Variants in C8orf34 observed in about 807,000 individuals in gnomAD.
C8orf34 encodes the protein uncharacterized protein C8orf34.
A neutral mutation model predicts 68.3 loss-of-function variants in C8orf34; 65 were observed. The observed-to-expected ratio is 0.95, with a 90% CI of 0.78 to 1.17. C8orf34 has a LOEUF of 1.17. Among genes scored for constraint, C8orf34 ranks in the 50% most tolerant of loss-of-function variants. The probability of loss-of-function intolerance (pLI) is 0.00; values close to 1 mark genes in which losing one functional copy is unlikely to be tolerated. For synonymous variants in C8orf34, 244 were observed against 241.2 expected, an observed-to-expected ratio of 1.01 and a Z score of -0.11; for missense variants, 664 against 655.4, an observed-to-expected ratio of 1.01 and a Z score of -0.14.
rs1554611739 is a variant in C8orf34 at position 68,774,943 on chromosome 8, C to CT, written c.1405-1455dup. On this transcript the variant is annotated intron_variant, in intron 10 of 13. Transcript: ENST00000518698. ...CCAACATGATGAAACCCTGTCTCCA[C>CT]TAAAAAAAAAAAAAAAAAAAAAAAT... Among the ~76,000 whole-genome samples, 5 of 36,358 alleles carry CT rather than the reference C, an allele frequency of 1.4e-4. No individual in the cohort carries two copies. In the East Asian group the frequency reaches 1.8e-3, roughly 13 times the overall value. 23.9% of individuals were successfully genotyped at this position (36,358 alleles called of 152,430 possible).
chr8:68,381,051 A>G (rs1303453788), intron 1 of C8orf34, among the ~76,000 whole-genome samples: 1 of 152,240 alleles, frequency 6.6e-6, no homozygotes, highest in East Asian at 1.9e-4. Context: ...AGAGGAAATC[A>G]TCAGAAAGCA....
chr8:68,724,329 A>T (rs1041732525), intron 10 of C8orf34, among the ~76,000 whole-genome samples: 1 of 152,180 alleles, frequency 6.6e-6, no homozygotes, highest in Admixed American at 6.5e-5. Flanking sequence ...TTCAAAGCAA[A>T]TTTTGAGTCA....
intron 7 of C8orf34, among the ~76,000 whole-genome samples, chr8:68,592,430 T>C (rs1817417826): frequency 1.3e-5 from 2 of 152,020 alleles, no homozygotes; most frequent in African/African-American, 4.8e-5. Context: ...TTCAGAAATC[T>C]GGTTGGTTAT....
At chr8:68,355,573 C>G (rs922148549) in intron 1 of C8orf34, among the ~76,000 whole-genome samples, 1 of 152,118 alleles carries the variant, frequency 6.6e-6, no homozygotes, top group African/African-American at 2.4e-5. Context: ...AGTGACAGAA[C>G]AGGTGGAGAG....
At chr8:68,640,544 C>T in intron 8 of C8orf34, 33 bp downstream of exon 8, 3 of 1,574,882 alleles carry the variant, frequency 1.9e-6, no homozygotes, top group Non-Finnish European at 2.6e-6. Flanking sequence ...TATATATAAA[C>T]ATGATCTTGA....
At chr8:68,624,054 C>T (rs1043270287) in intron 7 of C8orf34, among the ~76,000 whole-genome samples, 3 of 151,902 alleles carry the variant, frequency 2.0e-5, no homozygotes, top group South Asian at 2.1e-4. Flanking sequence ...AGGTGGATCA[C>T]GAGGTCAGGA....
intron 8 of C8orf34, among the ~76,000 whole-genome samples, chr8:68,671,768 T>C (rs1208418024): frequency 6.6e-6 from 1 of 152,208 alleles, no homozygotes; most frequent in Admixed American, 6.5e-5. Flanking sequence ...GTGGTTTATT[T>C]CTTATTAAAT....
At chr8:68,340,755 C>G (rs1217616917) in intron 1 of C8orf34, among the ~76,000 whole-genome samples, 1 of 152,142 alleles carries the variant, frequency 6.6e-6, no homozygotes, top group Non-Finnish European at 1.5e-5. Context: ...ATTCTATACA[C>G]TGTCTTCCAG....
At chr8:68,501,247 G>A (rs994289115) in intron 5 of C8orf34, among the ~76,000 whole-genome samples, 2 of 152,190 alleles carry the variant, frequency 1.3e-5, no homozygotes, top group African/African-American at 2.4e-5. Context: ...GACCTTGGAT[G>A]TGGACACAGC....
At chr8:68,432,009 T>C (rs926483386) in intron 1 of C8orf34, among the ~76,000 whole-genome samples, 1 of 152,150 alleles carries the variant, frequency 6.6e-6, no homozygotes, top group Non-Finnish European at 1.5e-5. Context: ...CATTAAATCA[T>C]GTTTAAGAAA....
At chr8:68,420,888 G>T (rs986537555) in intron 1 of C8orf34, among the ~76,000 whole-genome samples, 4 of 146,300 alleles carry the variant, frequency 2.7e-5, no homozygotes, top group African/African-American at 1.0e-4. Context: ...AAAAAAAAAA[G>T]AATAGAAATA....
chr8:68,768,067 T>C (rs539863563), intron 10 of C8orf34, among the ~76,000 whole-genome samples: 75 of 152,336 alleles, frequency 4.9e-4, no homozygotes, highest in Middle Eastern at 3.4e-3. Context: ...ATTTCTCTAA[T>C]AGCTCCTGAA....
At chr8:68,790,497 T>G (rs969499864) in intron 12 of C8orf34, among the ~76,000 whole-genome samples, 1 of 152,204 alleles carries the variant, frequency 6.6e-6, no homozygotes, top group Non-Finnish European at 1.5e-5. Flanking sequence ...TATTTCTTAT[T>G]GCACCATTTA....
intron 4 of C8orf34, among the ~76,000 whole-genome samples, chr8:68,485,634 C>G (rs943305883): frequency 6.6e-6 from 1 of 151,624 alleles, no homozygotes; most frequent in Non-Finnish European, 1.5e-5. Context: ...ATCGTTTGAA[C>G]CCAGGAGGTG....
At chr8:68,497,826 A>AT (rs1237487215) in intron 5 of C8orf34, among the ~76,000 whole-genome samples, 1 of 149,318 alleles carries the variant, frequency 6.7e-6, no homozygotes, top group Non-Finnish European at 1.5e-5. Context: ...ATTTGCTTCT[A>AT]TTTTTGGGGG....
In C8orf34 at chr8:68,783,934, G is replaced by A. The variant is rs190139606; in HGVS notation, c.1456-3509G>A. Among the ~76,000 whole-genome samples the A allele has an allele frequency of 3.3e-5, 5 of 152,258 alleles. No homozygotes were observed. The East Asian group carries it at 7.7e-4, about 24-fold the overall frequency. On this transcript the variant is annotated intron_variant, in intron 11 of 13. Transcript: ENST00000518698. ...CAGTTTTTGATGTACAGAATTATTA[G>A]ATAGATAATACAGAGGTTGCTATGC... is the stretch of plus-strand genomic sequence containing the variant.
intron 8 of C8orf34, among the ~76,000 whole-genome samples, chr8:68,682,888 C>T (rs1820409439): frequency 6.6e-6 from 1 of 152,028 alleles, no homozygotes; most frequent in African/African-American, 2.4e-5. Flanking sequence ...CAAACTATTA[C>T]ATTTCGATTG....
intron 5 of C8orf34, among the ~76,000 whole-genome samples, chr8:68,496,168 A>G (rs1005770264): frequency 2.0e-5 from 3 of 152,192 alleles, no homozygotes; most frequent in African/African-American, 7.2e-5. Context: ...TGCTCACAAA[A>G]ATTGCTTTAC....
intron 7 of C8orf34, among the ~76,000 whole-genome samples, chr8:68,577,005 C>T (rs1450639027): frequency 6.6e-6 from 1 of 151,824 alleles, no homozygotes; most frequent in East Asian, 1.9e-4. Context: ...TTGGAAAATG[C>T]TTTAAACAAT....
Sources: gnomAD v4.1 joint callset for allele counts (sites outside exome capture counted in the v4.1 genomes callset) on GRCh38, gnomAD v4.1.1 for gene constraint, MANE v1.5 for transcripts, NCBI Gene and HGNC (gene_info 2026-07-23, HGNC 2026-07-21) for gene names.